KCND2: variants seen among roughly 807,000 people sequenced by gnomAD.
KCND2 encodes the protein A-type voltage-gated potassium channel KCND2.
A neutral mutation model predicts 54.4 loss-of-function variants in KCND2; 16 were observed. The ratio of observed to expected loss-of-function variants is 0.29; its 90% CI spans 0.20 to 0.45. KCND2 has a LOEUF of 0.45. KCND2 is among the 20% of genes least tolerant of loss of function. KCND2 has a pLI of 1.00. For missense variants in KCND2, 486 were observed against 824.2 expected, an observed-to-expected ratio of 0.59 and a Z score of 5.02; for synonymous variants, 317 against 310.7, an observed-to-expected ratio of 1.02 and a Z score of -0.21.
chr7:120,687,347 G>T (rs917826591), intron 1 of KCND2, among the ~76,000 whole-genome samples: 1 of 152,108 alleles, frequency 6.6e-6, no homozygotes, highest in Admixed American at 6.6e-5. Context: ...GAATTCTAGA[G>T]ATCTGCTGTA....
At chr7:120,388,306 C>A (rs1404078239) in intron 1 of KCND2, among the ~76,000 whole-genome samples, 1 of 151,986 alleles carries the variant, frequency 6.6e-6, no homozygotes, top group East Asian at 1.9e-4. Context: ...TGAGTTGTAC[C>A]TGCTTATGCA....
At chr7:120,699,666 G>A (rs891146969) in intron 1 of KCND2, among the ~76,000 whole-genome samples, 2 of 152,164 alleles carry the variant, frequency 1.3e-5, no homozygotes, top group African/African-American at 4.8e-5. Context: ...CCATAGCAAA[G>A]AGAGATAGAG....
chr7:120,721,833 A>G (rs1792670065), intron 1 of KCND2, among the ~76,000 whole-genome samples: 1 of 152,176 alleles, frequency 6.6e-6, no homozygotes, highest in South Asian at 2.1e-4. Context: ...TGTAGCTCCC[A>G]TAATTCCCAC....
At chr7:120,386,874 C>T (rs1800996031) in intron 1 of KCND2, among the ~76,000 whole-genome samples, 1 of 152,092 alleles carries the variant, frequency 6.6e-6, no homozygotes, top group South Asian at 2.1e-4. Flanking sequence ...CAGGTATCAA[C>T]ATTCCAAGTA....
intron 1 of KCND2, among the ~76,000 whole-genome samples, chr7:120,346,965 C>G (rs1442332067): frequency 6.6e-6 from 1 of 152,082 alleles, no homozygotes; most frequent in African/African-American, 2.4e-5. Context: ...TTCCTTCCCT[C>G]TAAGGGATTA....
intron 2 of KCND2, chr7:120,740,971 C>G: frequency 2.3e-6 from 1 of 425,596 alleles, no homozygotes; most frequent in South Asian, 1.7e-5. Flanking sequence ...TGGGATCTAC[C>G]TAGGCTAATT....
At chr7:120,333,645 G>A (rs1264600243) in intron 1 of KCND2, among the ~76,000 whole-genome samples, 1 of 152,006 alleles carries the variant, frequency 6.6e-6, no homozygotes, top group African/African-American at 2.4e-5. Context: ...ACAGTGTGCT[G>A]ATTGCATAAA....
At chr7:120,553,527 T>G (rs932874290) in intron 1 of KCND2, among the ~76,000 whole-genome samples, 38 of 152,200 alleles carry the variant, frequency 2.5e-4, no homozygotes, top group African/African-American at 8.9e-4. Flanking sequence ...TTAGGTCCCT[T>G]GACTTTGTGG....
chr7:120,509,469 T>C, intron 1 of KCND2, among the ~76,000 whole-genome samples: 1 of 152,168 alleles, frequency 6.6e-6, no homozygotes, highest in Middle Eastern at 3.4e-3. Flanking sequence ...TTTATTACAT[T>C]ATCCAGAGAT....
chr7:120,390,596 C>T (rs1801058987), intron 1 of KCND2, among the ~76,000 whole-genome samples: 1 of 151,948 alleles, frequency 6.6e-6, no homozygotes, highest in Admixed American at 6.6e-5. Context: ...ATACTTCTCC[C>T]ATCAAAAGTT....
intron 1 of KCND2, among the ~76,000 whole-genome samples, chr7:120,731,519 G>C (rs897607327): frequency 6.6e-6 from 1 of 152,178 alleles, no homozygotes; most frequent in Non-Finnish European, 1.5e-5. Context: ...ATACAGGCAG[G>C]AACTAAATGA....
chr7:120,332,721 T>C (rs1800085630), intron 1 of KCND2, among the ~76,000 whole-genome samples: 1 of 152,050 alleles, frequency 6.6e-6, no homozygotes, highest in Admixed American at 6.6e-5. Context: ...AGAAACAAAT[T>C]ATAAAAGCTC....
intron 5 of KCND2, 54 bp downstream of exon 5, chr7:120,746,081 G>A (rs1214920991): frequency 1.3e-6 from 2 of 1,595,890 alleles, no homozygotes; most frequent in Admixed American, 3.3e-5. Context: ...CCCAGGGTGT[G>A]TCTTCTGCAC....
intron 1 of KCND2, among the ~76,000 whole-genome samples, chr7:120,528,376 A>G (rs997273853): frequency 6.6e-6 from 1 of 152,200 alleles, no homozygotes; most frequent in Non-Finnish European, 1.5e-5. Context: ...TTAAAAAAAC[A>G]AATTGATGAC....
chr7:120,673,622 C>T (rs1211834878), intron 1 of KCND2, among the ~76,000 whole-genome samples: 5 of 152,164 alleles, frequency 3.3e-5, no homozygotes, highest in Admixed American at 1.3e-4. Context: ...CATCTTACTA[C>T]AGCCAGAATA....
intron 1 of KCND2, among the ~76,000 whole-genome samples, chr7:120,416,637 C>T (rs1801528845): frequency 6.6e-6 from 1 of 152,050 alleles, no homozygotes; most frequent in African/African-American, 2.4e-5. Context: ...GAGAAGACAG[C>T]CACATCTTTT....
At chr7:120,566,092 A>C (rs1792293712) in intron 1 of KCND2, among the ~76,000 whole-genome samples, 1 of 152,198 alleles carries the variant, frequency 6.6e-6, no homozygotes, top group African/African-American at 2.4e-5. Context: ...GCACTTGCTC[A>C]GGGACTTGTA....
intron 1 of KCND2, among the ~76,000 whole-genome samples, chr7:120,432,891 TC>T (rs1801814914): frequency 1.3e-5 from 2 of 152,116 alleles, no homozygotes; most frequent in African/African-American, 4.8e-5. Flanking sequence ...TAGGTCCAAA[TC>T]GACTCACTTC....
chr7:120,473,293 CTT>C (rs1802487117), intron 1 of KCND2, among the ~76,000 whole-genome samples: 1 of 152,108 alleles, frequency 6.6e-6, no homozygotes, highest in South Asian at 2.1e-4. Flanking sequence ...GCAGTACTGG[CTT>C]TAACCACAGC....
Sources: allele counts gnomAD v4.1 joint callset (sites outside exome capture counted in the v4.1 genomes callset), GRCh38; gene constraint gnomAD v4.1.1; transcripts MANE v1.5; gene names NCBI Gene and HGNC (gene_info 2026-07-23, HGNC 2026-07-21).